NPAS3: variants seen among roughly 807,000 people sequenced by gnomAD.
NPAS3 encodes the protein neuronal PAS domain-containing protein 3.
NPAS3 carries 14 observed loss-of-function variants against 73.1 expected under a neutral mutation model. The ratio of observed to expected loss-of-function variants is 0.19; its 90% CI spans 0.13 to 0.30. The LOEUF is 0.30. NPAS3 is among the 10% of genes least tolerant of loss of function. NPAS3 has a pLI of 1.00. For synonymous variants in NPAS3, 620 were observed against 541.5 expected, an observed-to-expected ratio of 1.14 and a Z score of -2.01; for missense variants, 1,096 against 1,250.0, an observed-to-expected ratio of 0.88 and a Z score of 1.86.
At chr14:33,788,047 G>C (rs2063231699) in intron 9 of NPAS3, among the ~76,000 whole-genome samples, 1 of 152,234 alleles carries the variant, frequency 6.6e-6, no homozygotes, top group Non-Finnish European at 1.5e-5. Flanking sequence ...TGGAGAAGCA[G>C]AGATTAAAGA....
At chr14:33,309,084 T>C (rs2042899464) in intron 3 of NPAS3, among the ~76,000 whole-genome samples, 1 of 152,224 alleles carries the variant, frequency 6.6e-6, no homozygotes, top group South Asian at 2.1e-4. Flanking sequence ...GATTAAGCCA[T>C]GGAGTATCCA....
chr14:33,578,607 T>C (rs977472240), intron 5 of NPAS3, among the ~76,000 whole-genome samples: 2 of 152,202 alleles, frequency 1.3e-5, no homozygotes, highest in African/African-American at 4.8e-5. Context: ...TAAACAAATA[T>C]TTGCTGACTG....
rs140504354 is a variant in NPAS3 at position 33,578,198 on chromosome 14, T to A, written c.558+17988T>A. 63 of 456,050 alleles carry A rather than the reference T, an allele frequency of 1.4e-4. No homozygotes were observed. The East Asian group carries it at 4.2e-3, about 30-fold the overall frequency. The allele number at this position is 456,050 out of a possible 1,614,324, so 28.3% of individuals were successfully genotyped here. On this transcript the variant is annotated intron_variant, in intron 5 of 11. Coordinates refer to ENST00000356141, the Ensembl canonical transcript of NPAS3. ...GATGAACTACCAACACCTTTGTTTT[T>A]TTTTCCCTCTTTGAGACGGAGTTTT...
intron 8 of NPAS3, among the ~76,000 whole-genome samples, chr14:33,775,805 A>G (rs774850996): frequency 1.4e-4 from 21 of 152,244 alleles, no homozygotes; most frequent in Non-Finnish European, 1.8e-4. Context: ...TGCGTTAGCC[A>G]GAATGATTCG....
intron 2 of NPAS3, among the ~76,000 whole-genome samples, chr14:33,079,201 C>A (rs2041774365): frequency 6.6e-6 from 1 of 152,028 alleles, no homozygotes; most frequent in Non-Finnish European, 1.5e-5. Context: ...ACAGAAGATG[C>A]CTTCCTTTTA....
intron 1 of NPAS3, among the ~76,000 whole-genome samples, chr14:32,970,787 T>C (rs1317483580): frequency 2.0e-5 from 3 of 152,218 alleles, no homozygotes; most frequent in Admixed American, 2.0e-4. Flanking sequence ...CATGGTGTTT[T>C]TCCTGTGTGT....
chr14:33,215,440 C>A lies in NPAS3; in HGVS notation c.385+14C>A. 1 of 1,613,488 alleles carries A rather than the reference C, an allele frequency of 6.2e-7. No homozygotes were observed. The highest frequency in any genetic ancestry group is 1.1e-5 in the South Asian group (1 of 91,026). On this transcript the variant is annotated intron_variant, in intron 3 of 11. Coordinates refer to ENST00000356141, the Ensembl canonical transcript of NPAS3. The stretch of plus-strand genomic sequence containing the variant: ...CATCAGTAAAAGGTAAGTTTTAGGT[C>A]ACTGTTCAGTCTGAATATGATGGTC...
chr14:33,289,561 C>T (rs2140102276), intron 3 of NPAS3, among the ~76,000 whole-genome samples: 1 of 152,252 alleles, frequency 6.6e-6, no homozygotes, highest in Non-Finnish European at 1.5e-5. Context: ...CGGCTCATGC[C>T]TGTAATCCCA....
chr14:33,667,531 C>G (rs1449154928), intron 5 of NPAS3, among the ~76,000 whole-genome samples: 1 of 152,200 alleles, frequency 6.6e-6, no homozygotes, highest in Non-Finnish European at 1.5e-5. Context: ...CTATCCAAGA[C>G]TAACTCAGTC....
chr14:33,439,935 G>A (rs2049165050), intron 4 of NPAS3, among the ~76,000 whole-genome samples: 1 of 151,988 alleles, frequency 6.6e-6, no homozygotes, highest in Admixed American at 6.6e-5. Flanking sequence ...CTAACAGGGT[G>A]AAACCCCGTC....
intron 6 of NPAS3, among the ~76,000 whole-genome samples, chr14:33,719,948 T>A (rs1208824430): frequency 6.6e-6 from 1 of 152,100 alleles, no homozygotes; most frequent in Non-Finnish European, 1.5e-5. Context: ...ATTTGGGAGT[T>A]TTATAATAAG....
intron 7 of NPAS3, among the ~76,000 whole-genome samples, chr14:33,742,972 A>G (rs2061691411): frequency 6.6e-6 from 1 of 151,036 alleles, no homozygotes; most frequent in Admixed American, 6.6e-5. Flanking sequence ...CTCAAGCTCT[A>G]CTTCTGATTC....
At chr14:33,192,198 T>C (rs923853443) in intron 2 of NPAS3, among the ~76,000 whole-genome samples, 2 of 152,200 alleles carry the variant, frequency 1.3e-5, no homozygotes, top group African/African-American at 4.8e-5. Context: ...CACCTGTAGA[T>C]AGATAACCAT....
At chr14:33,554,726 G>A (rs2055277045) in intron 4 of NPAS3, among the ~76,000 whole-genome samples, 2 of 152,160 alleles carry the variant, frequency 1.3e-5, no homozygotes, top group Admixed American at 1.3e-4. Context: ...CCCTAAAGGA[G>A]CACCATGGTA....
intron 5 of NPAS3, among the ~76,000 whole-genome samples, chr14:33,633,039 AT>A (rs1419326627): frequency 2.6e-5 from 4 of 152,254 alleles, no homozygotes; most frequent in African/African-American, 9.6e-5. Flanking sequence ...ACAATAAAAA[AT>A]AACACAAGTT....
intron 4 of NPAS3, among the ~76,000 whole-genome samples, chr14:33,487,526 C>T (rs1248499265): frequency 6.6e-6 from 1 of 152,120 alleles, no homozygotes; most frequent in East Asian, 1.9e-4. Flanking sequence ...ATTTAAATAT[C>T]TTTGCTAGAG....
rs779786254 is a variant in NPAS3, at chr14:33,793,891, C to T, written c.1154-6C>T. 7.6e-5 allele frequency: 120 copies of T among 1,589,230 alleles called. No homozygotes were observed. Among genetic ancestry groups the T allele is most frequent in the South Asian group, 1.0e-4 (9 of 86,652 alleles). On this transcript the variant is annotated splice_polypyrimidine_tract_variant and splice_region_variant and intron_variant, in intron 9 of 11. Transcript: ENST00000356141. ...ACAATGCCTCTGTTTTGTTTTTTTTCGCCAGTGCTGAATAAGGGTCAGTGT... is the reference window on the plus strand; with the variant it reads ...ACAATGCCTCTGTTTTGTTTTTTTTTGCCAGTGCTGAATAAGGGTCAGTGT...
At chr14:33,641,931 A>C (rs1446618278) in intron 5 of NPAS3, among the ~76,000 whole-genome samples, 1 of 152,118 alleles carries the variant, frequency 6.6e-6, no homozygotes, top group African/African-American at 2.4e-5. Flanking sequence ...TTTTACCCCA[A>C]GTAAATTTCT....
At chr14:33,724,664 T>C (rs1374982428) in intron 6 of NPAS3, among the ~76,000 whole-genome samples, 2 of 151,972 alleles carry the variant, frequency 1.3e-5, no homozygotes, top group African/African-American at 2.4e-5. Context: ...ATTAAAAACA[T>C]GTGAGATGTT....
Sources: allele counts gnomAD v4.1 joint callset (sites outside exome capture counted in the v4.1 genomes callset), GRCh38; gene constraint gnomAD v4.1.1; transcripts MANE v1.5; gene names NCBI Gene and HGNC (gene_info 2026-07-23, HGNC 2026-07-21).